FN1: variants seen among roughly 807,000 people sequenced by gnomAD.
The protein encoded by FN1 is fibronectin.
A neutral mutation model predicts 297.3 loss-of-function variants in FN1; 106 were observed. The observed-to-expected ratio is 0.36, with a 90% CI of 0.30 to 0.42. The LOEUF is 0.42. Among genes scored for constraint, FN1 ranks in the 10% least tolerant of loss-of-function variants. FN1 has a pLI of 1.00. For missense variants in FN1, 2,690 were observed against 3,124.9 expected (o/e 0.86, Z 3.32); for synonymous variants, 1,149 against 1,152.6 (o/e 1.00, Z 0.06).
At chr2:215,410,424 G>A (rs1398497421) in intron 13 of FN1, among the ~76,000 whole-genome samples, 11 of 151,798 alleles carry the variant, frequency 7.2e-5, no homozygotes, top group Admixed American at 7.2e-4. Context: ...CAATGGCATT[G>A]TTGCTCCCGT....
chr2:215,373,957 C>G (rs2056780096), intron 38 of FN1, among the ~76,000 whole-genome samples: 1 of 152,200 alleles, frequency 6.6e-6, no homozygotes, highest in Non-Finnish European at 1.5e-5. Flanking sequence ...GCTGGGATTA[C>G]AGGCGTGAGC....
intron 33 of FN1, chr2:215,380,318 A>G: frequency 5.8e-6 from 1 of 172,646 alleles, no homozygotes; most frequent in South Asian, 1.4e-4. Flanking sequence ...CAATTGCCCT[A>G]TTGATTATTT....
At chr2:215,433,734 T>C (rs1329813356) in intron 2 of FN1, among the ~76,000 whole-genome samples, 2 of 152,232 alleles carry the variant, frequency 1.3e-5, no homozygotes, top group Non-Finnish European at 1.5e-5. Context: ...TACTAACTTA[T>C]GACAGAGCTA....
At chr2:215,433,302 T>C in intron 3 of FN1, 22 bp downstream of exon 3, 1 of 1,613,604 alleles carries the variant, frequency 6.2e-7, no homozygotes, top group African/African-American at 1.3e-5. Context: ...TTTGGCATCA[T>C]TTTACACAAT....
intron 41 of FN1, 25 bp downstream of exon 41, chr2:215,370,269 G>GTC (rs769831640): frequency 6.2e-7 from 1 of 1,613,000 alleles, no homozygotes; most frequent in Non-Finnish European, 8.5e-7. Flanking sequence ...GGGAGCCTGT[G>GTC]TCTAAATAGT....
chr2:215,364,356 G>C, intron 44 of FN1: 1 of 185,484 alleles, frequency 5.4e-6, no homozygotes, highest in East Asian at 1.3e-4. Flanking sequence ...CATCAGAATG[G>C]AGTTGGAGGC....
chr2:215,433,692 AT>A (rs1415919290), intron 2 of FN1, among the ~76,000 whole-genome samples: 4 of 152,224 alleles, frequency 2.6e-5, no homozygotes, highest in Non-Finnish European at 5.9e-5. Context: ...TTGTAGAAAA[AT>A]CTCAGGCTCT....
rs184727421 is a variant in FN1 at position 215,425,824 on chromosome 2, G to A, written c.845-539C>T. On this transcript the variant is annotated intron_variant, in intron 6 of 45. Transcript: ENST00000354785. ...TGACCTCAGGGGATCCACCCGCTTC[G>A]GCCTCCCAAAGTGCTGGGATTACAG... 6.0e-4 allele frequency among the ~76,000 whole-genome samples: 91 copies of A among 152,120 alleles called. 1 individual carries two copies. The Middle Eastern group carries it at 0.01, about 17-fold the overall frequency.
At chr2:215,392,527 AGGGTAG>A in intron 25 of FN1, 1 of 253,152 alleles carries the variant, frequency 4.0e-6, no homozygotes, top group Non-Finnish European at 7.8e-6. Context: ...AGTTTATCAA[AGGGTAG>A]AAGGAAGATC....
chr2:215,376,218 C>T (rs562786307), intron 36 of FN1, among the ~76,000 whole-genome samples: 1 of 152,020 alleles, frequency 6.6e-6, no homozygotes, highest in Non-Finnish European at 1.5e-5. Context: ...TAGTTTTAAA[C>T]CTTATGTTAC....
At chr2:215,370,674 G>C (rs779554748) in intron 40 of FN1, among the ~76,000 whole-genome samples, 6 of 151,916 alleles carry the variant, frequency 3.9e-5, no homozygotes, top group Non-Finnish European at 8.8e-5. Flanking sequence ...TACGTGCTCC[G>C]TAGTTAACAG....
Position 215,372,174 on chromosome 2 carries a change from C to A in FN1, c.6449G>T (p.Arg2150Leu), listed in dbSNP as rs541876822. ...GGTGGCCGTTGTGGGCGGTGTGGTC[C>A]GCCTAAAACCATGTTCCTCAAAGAT... ...QMIFEEHGFR[R>L]TTPPTTATPI... Residue 2150 changes from arginine (R) to leucine (L), a missense_variant, in exon 40 of 46, where the codon CGG becomes CTG. Around this residue, in one of 3 missense-constraint regions of FN1, gnomAD observed 1,743 missense variants for 1,945.2 expected, o/e 0.90. Transcript: ENST00000354785. 7.4e-6 allele frequency: 12 copies of A among 1,614,188 alleles called. No homozygotes were observed. Among genetic ancestry groups the A allele is most frequent in the Non-Finnish European group, 8.5e-6 (10 of 1,180,040 alleles).
chr2:215,403,666 T>G (rs1307375531), intron 20 of FN1, among the ~76,000 whole-genome samples: 2 of 152,216 alleles, frequency 1.3e-5, no homozygotes, highest in Admixed American at 1.3e-4. Flanking sequence ...GTGATGTAGA[T>G]ATGTGGGAGA....
rs13306367 is a variant in FN1, at chr2:215,375,549, C to T, written c.5977+80G>A. The T allele has an allele frequency of 4.5e-4, 555 of 1,235,328 alleles. No individual in the cohort carries two copies. In the East Asian group the frequency reaches 9.0e-3, roughly 20 times the overall value. The allele number at this position is 1,235,328 out of a possible 1,614,324, so 76.5% of individuals were successfully genotyped here. On this transcript the variant is annotated intron_variant, in intron 37 of 45. Transcript: ENST00000354785. ...CTGGAATCTATAATACAAAAATATACGCCTCACATTTGTTTTTTGAGTTCA... is the reference window on the plus strand; with the variant it reads ...CTGGAATCTATAATACAAAAATATATGCCTCACATTTGTTTTTTGAGTTCA...
intron 39 of FN1, 22 bp downstream of exon 39, chr2:215,373,300 G>GT: frequency 6.3e-7 from 1 of 1,579,952 alleles, no homozygotes; most frequent in Non-Finnish European, 8.7e-7. Context: ...CTTTCTCCTT[G>GT]TTACCTGCAA....
intron 20 of FN1, among the ~76,000 whole-genome samples, chr2:215,403,714 T>C (rs114482201): frequency 6.6e-6 from 1 of 152,186 alleles, no homozygotes; most frequent in Non-Finnish European, 1.5e-5. Context: ...AGCAAAAGGA[T>C]AGACATGACC....
intron 28 of FN1, among the ~76,000 whole-genome samples, 187 bp from the exon 29 acceptor site, chr2:215,385,163 G>T (rs1340739985): frequency 6.7e-6 from 1 of 148,740 alleles, no homozygotes; most frequent in Non-Finnish European, 1.5e-5. Context: ...CATTCAAATT[G>T]TGATAAAATG....
rs776813006 is a variant in FN1, at chr2:215,433,431, C to G, written c.308G>C (p.Gly103Ala). 1 of 1,614,128 alleles carries G rather than the reference C, an allele frequency of 6.2e-7. No homozygotes were observed. The highest frequency in any genetic ancestry group is 8.5e-7 in the Non-Finnish European group (1 of 1,180,022). ...AEETCFDKYT[G>A]NTYRVGDTYE... ...AGTGTCACCCACTCGGTAAGTGTTC[C>G]CAGTGTACTTGTCAAAGCAAGTCTC... Residue 103 changes from glycine to alanine, a missense_variant, in exon 3 of 46, where the codon GGG (glycine) becomes GCG (alanine). Physicochemically the swap from Gly to Ala is moderately conservative, Grantham distance 60 (BLOSUM62 0). This residue lies in a region of FN1 where 876 missense variants were observed against 1,058.1 expected (regional missense o/e 0.83). Coordinates refer to ENST00000354785, the MANE Select transcript of FN1 (RefSeq NM_212482.4).
At chr2:215,419,099 TC>T in intron 12 of FN1, 142 bp downstream of exon 12, 1 of 675,054 alleles carries the variant, frequency 1.5e-6, no homozygotes, top group East Asian at 2.7e-5. Flanking sequence ...AATCAAAAAT[TC>T]AATTGATTAT....
Sources: gnomAD v4.1 joint callset for allele counts (sites outside exome capture counted in the v4.1 genomes callset) on GRCh38, gnomAD v4.1.1 for gene constraint, gnomAD v4.1.1 regional missense constraint, MANE v1.5 for transcripts, NCBI Gene and HGNC (gene_info 2026-07-23, HGNC 2026-07-21) for gene names.